Variants in ROCK1 observed in about 807,000 individuals in gnomAD.
ROCK1 encodes Rho associated coiled-coil containing protein kinase 1.
ROCK1 carries 36 observed loss-of-function variants against 196.8 expected under a neutral mutation model. The ratio of observed to expected loss-of-function variants is 0.18; its 90% CI spans 0.14 to 0.24. The LOEUF (loss-of-function observed/expected upper bound fraction) is 0.24. ROCK1 is among the 10% of genes least tolerant of loss of function. The probability of loss-of-function intolerance (pLI) is 1.00; values close to 1 mark genes in which losing one functional copy is unlikely to be tolerated. For synonymous variants in ROCK1, 443 were observed against 515.9 expected (o/e 0.86, Z 1.91); for missense variants, 920 against 1,562.0 (o/e 0.59, Z 6.93).
intron 1 of ROCK1, among the ~76,000 whole-genome samples, chr18:21,078,637 G>A (rs1000816644): frequency 6.6e-5 from 10 of 152,138 alleles, no homozygotes; most frequent in Non-Finnish European, 1.5e-4. Context: ...GTCTCCAGTA[G>A]TCTCCACCAC....
intron 8 of ROCK1, among the ~76,000 whole-genome samples, chr18:21,041,773 G>A (rs1286630273): frequency 2.0e-5 from 3 of 151,948 alleles, no homozygotes; most frequent in Non-Finnish European, 2.9e-5. Context: ...TAATTTCAGA[G>A]ATGTTATGTT....
At chr18:21,028,745 T>C in intron 10 of ROCK1, 31 bp downstream of exon 10, 1 of 1,546,246 alleles carries the variant, frequency 6.5e-7, no homozygotes, top group Non-Finnish European at 8.7e-7. Context: ...AATCAGCACT[T>C]ACTCCTATAA....
Position 21,111,312 on chromosome 18 carries a change from G to A in ROCK1, c.-402C>T, listed in dbSNP as rs752157219. On this transcript the variant is annotated 5_prime_UTR_variant, in exon 1 of 33. Coordinates refer to ENST00000399799, the MANE Select transcript of ROCK1 (RefSeq NM_005406.3). This position sits in a 1 kb window ranked among gnomAD's most constrained non-coding sequence, Gnocchi z 4.2. ...GAAGCAGGGTGGAGACTCCCTCCGG[G>A]CAACAAGGGAGGGAGAAGAGGAAAG... 2.2e-6 allele frequency: 1 copy of A among 455,738 alleles called. No homozygotes were observed. Among genetic ancestry groups the A allele is most frequent in the Non-Finnish European group, 3.8e-6 (1 of 260,362 alleles). The allele number at this position is 455,738 out of a possible 1,614,324, so 28.2% of individuals were successfully genotyped here. A position where few individuals can be genotyped will look rare whatever the true frequency, so the allele number is the denominator to read the frequency against.
At chr18:20,968,135 C>A (rs1254806161) in intron 25 of ROCK1, among the ~76,000 whole-genome samples, 195 bp from the exon 26 acceptor site, 1 of 152,080 alleles carries the variant, frequency 6.6e-6, no homozygotes. Context: ...AATGTAAGAA[C>A]CAGGAGCCTT....
At chr18:21,033,025 C>CTA (rs1325509167) in intron 9 of ROCK1, among the ~76,000 whole-genome samples, 1 of 152,006 alleles carries the variant, frequency 6.6e-6, no homozygotes, top group African/African-American at 2.4e-5. Flanking sequence ...AAGACCCCAG[C>CTA]TCTACAGAAA....
intron 11 of ROCK1, among the ~76,000 whole-genome samples, chr18:21,022,711 T>C (rs2035923965): frequency 6.6e-6 from 1 of 152,204 alleles, no homozygotes; most frequent in African/African-American, 2.4e-5. Context: ...GCTCCTTCAG[T>C]ATAGGGCAAT....
chr18:21,006,834 T>A (rs745905136), intron 14 of ROCK1, 44 bp from the exon 15 acceptor site: 1 of 1,260,294 alleles, frequency 7.9e-7, no homozygotes, highest in East Asian at 2.4e-5. Context: ...AACATTTTCA[T>A]AGGGGAAACA....
chr18:20,979,347 G>A (rs2035508840), intron 22 of ROCK1, among the ~76,000 whole-genome samples: 1 of 152,172 alleles, frequency 6.6e-6, no homozygotes, highest in African/African-American at 2.4e-5. Flanking sequence ...TACTAGCCCA[G>A]GCGTGGTGGC....
intron 9 of ROCK1, among the ~76,000 whole-genome samples, chr18:21,032,951 CT>C (rs1437622102): frequency 6.6e-6 from 1 of 152,062 alleles, no homozygotes; most frequent in Admixed American, 6.6e-5. Context: ...AACCCTAGCA[CT>C]TTGGAAGGCC....
intron 3 of ROCK1, 40 bp downstream of exon 3, chr18:21,049,740 T>C: frequency 6.0e-6 from 7 of 1,169,932 alleles, no homozygotes; most frequent in South Asian, 2.6e-5. Flanking sequence ...ATTATTTTAA[T>C]TTAATAAAGT....
chr18:20,948,369 C>T lies in ROCK1; in HGVS notation c.*3015G>A, dbSNP rs2035149713. ...CCATATGGGAGAAATACTGCTTGAT[C>T]TCTACCTCACTCTGAATTCCAGATT... On this transcript the variant is annotated 3_prime_UTR_variant, in exon 33 of 33. Coordinates refer to ENST00000399799, the MANE Select transcript of ROCK1 (RefSeq NM_005406.3). 6.6e-6 allele frequency: 1 copy of T among 151,688 alleles called. No homozygotes were observed. The highest frequency in any genetic ancestry group is 2.1e-4 in the South Asian group (1 of 4,832). The allele number at this position is 151,688 out of a possible 1,614,324, so 9.4% of individuals were successfully genotyped here. A position where few individuals can be genotyped will look rare whatever the true frequency, so the allele number is the denominator to read the frequency against.
At chr18:21,041,773 GATGTT>G (rs906300507) in intron 8 of ROCK1, among the ~76,000 whole-genome samples, 3 of 151,948 alleles carry the variant, frequency 2.0e-5, no homozygotes, top group Non-Finnish European at 2.9e-5. Flanking sequence ...TAATTTCAGA[GATGTT>G]ATGTTAAAAA....
Position 20,975,552 on chromosome 18 carries a change from T to C in ROCK1, c.2654+4358A>G, listed in dbSNP as rs546270033. 3.9e-5 allele frequency among the ~76,000 whole-genome samples: 6 copies of C among 152,352 alleles called. No homozygotes were observed. The East Asian group carries it at 9.6e-4, about 24-fold the overall frequency. On this transcript the variant is annotated intron_variant, in intron 22 of 32. Coordinates refer to ENST00000399799, the MANE Select transcript of ROCK1 (RefSeq NM_005406.3). ...TCAATATAAATAAATGGACAATTTATGACTGTTTTTCTTGACCTTTGTGGG... is the reference window on the plus strand; with the variant it reads ...TCAATATAAATAAATGGACAATTTACGACTGTTTTTCTTGACCTTTGTGGG...
chr18:21,002,631 T>C (rs561975087), intron 16 of ROCK1, among the ~76,000 whole-genome samples: 4 of 152,268 alleles, frequency 2.6e-5, no homozygotes, highest in Non-Finnish European at 5.9e-5. Context: ...TGGATAAAAA[T>C]AGATGATCAC....
chr18:21,092,397 C>A (rs1176067019), intron 1 of ROCK1, among the ~76,000 whole-genome samples: 1 of 151,912 alleles, frequency 6.6e-6, no homozygotes, highest in East Asian at 1.9e-4. Context: ...GGCTGGGCAA[C>A]ATCGTTAAGA....
chr18:21,104,147 T>A (rs1164392006), intron 1 of ROCK1, among the ~76,000 whole-genome samples: 3 of 152,218 alleles, frequency 2.0e-5, no homozygotes, highest in African/African-American at 7.2e-5. Context: ...CTATCAATTA[T>A]CGTAATAGAA....
At chr18:21,001,550 G>C (rs1383216489) in intron 16 of ROCK1, among the ~76,000 whole-genome samples, 1 of 151,890 alleles carries the variant, frequency 6.6e-6, no homozygotes, top group Non-Finnish European at 1.5e-5. Context: ...GGCAGATCAC[G>C]AGGTCAAGAG....
At chr18:21,069,358 T>C (rs989461613) in intron 2 of ROCK1, among the ~76,000 whole-genome samples, 11 of 152,190 alleles carry the variant, frequency 7.2e-5, no homozygotes, top group South Asian at 6.2e-4. Context: ...TTTTGTTATA[T>C]TATTCTCTGC....
chr18:20,967,732 T>TAC lies in ROCK1; in HGVS notation c.3192+18_3192+19dup. 3 of 1,547,976 alleles carry TAC rather than the reference T, an allele frequency of 1.9e-6. No homozygotes were observed. In the African/African-American group the frequency reaches 4.1e-5, roughly 21 times the overall value. ...AAATAATCCTTCACACTCATATCCA[T>TAC]ACACACACAGAAACCTTACCGCTTG... is the stretch of plus-strand genomic sequence containing the variant. On this transcript the variant is annotated intron_variant, in intron 26 of 32. Transcript: ENST00000399799.
Sources: gnomAD v4.1 joint callset for allele counts (sites outside exome capture counted in the v4.1 genomes callset) on GRCh38, gnomAD v4.1.1 for gene constraint, Gnocchi (gnomAD v3.1) non-coding constraint, MANE v1.5 for transcripts, NCBI Gene and HGNC (gene_info 2026-07-23, HGNC 2026-07-21) for gene names.